The following PCDH19 variants were observed in gnomAD, a reference collection of about 807,000 sequenced individuals.
PCDH19 encodes protocadherin 19.
PCDH19 carries 6 observed loss-of-function variants against 46.2 expected under a neutral mutation model. The observed-to-expected ratio is 0.13, with a 90% CI of 0.07 to 0.26. The LOEUF is 0.26. Ranked by LOEUF, PCDH19 falls within the 10% of genes least tolerant of loss-of-function variation. The pLI, the probability that PCDH19 is intolerant of heterozygous loss-of-function variation, is 1.00. For missense variants in PCDH19, 740 were observed against 972.3 expected (o/e 0.76, Z 3.18); for synonymous variants, 481 against 415.7 (o/e 1.16, Z -1.91).
intron 3 of PCDH19, among the ~76,000 whole-genome samples, chrX:100,390,864 G>A (rs1242060915): frequency 2.7e-5 from 3 of 111,604 alleles, no homozygotes; most frequent in African/African-American, 9.8e-5. Context: ...ACATCAAAAT[G>A]AGCAGAGGCA....
chrX:100,317,473 G>A (rs770297271), intron 5 of PCDH19, among the ~76,000 whole-genome samples: 1 of 111,145 alleles, frequency 9.0e-6, no homozygotes, highest in African/African-American at 3.3e-5. Flanking sequence ...GCAGCCCACA[G>A]GTGTGAAGCA....
rs1482631332 is a variant in PCDH19, at chrX:100,296,290, T to G, written c.3434A>C (p.Asp1145Ala). The change falls in exon 6 of 6, where the codon GAT becomes GCT. Residue 1145 changes from aspartate (D) to alanine (A), a missense_variant. Asp to Ala is a moderately radical substitution (Grantham distance 126, BLOSUM62 -2). Coordinates refer to ENST00000373034, the MANE Select transcript of PCDH19 (RefSeq NM_001184880.2). ...KESPGVKRLK[D>A]IVL ...CTGGAGACTGGTTTAGAGAACGATA[T>G]CCTTCAGACGCTTCACACCAGGGGA... The G allele has an allele frequency of 8.3e-7, 1 of 1,205,191 alleles. No homozygotes were observed. The highest frequency in any genetic ancestry group is 2.3e-4 in the Middle Eastern group (1 of 4,343).
intron 3 of PCDH19, among the ~76,000 whole-genome samples, chrX:100,384,886 C>A (rs986085509): frequency 9.0e-6 from 1 of 111,434 alleles, no homozygotes; most frequent in East Asian, 2.8e-4. Context: ...AGGCCGGGCC[C>A]GGTGGCTCAC....
In PCDH19 at chrX:100,329,313, CAG is replaced by C. The variant is rs775349003; in HGVS notation, c.2848+12588_2848+12589del. 2.1e-3 allele frequency among the ~76,000 whole-genome samples: 233 copies of C among 112,056 alleles called. 1 individual carries two copies. The highest frequency in any genetic ancestry group is 3.3e-3 in the Non-Finnish European group (174 of 53,204). The stretch of plus-strand genomic sequence containing the variant: ...TAGGTCGTTAAAATCCACTTGTGCA[CAG>C]ACACTGTATTTCTGAGTTCTCATTT... On this transcript the variant is annotated intron_variant, in intron 5 of 5. Coordinates refer to ENST00000373034, the MANE Select transcript of PCDH19 (RefSeq NM_001184880.2).
chrX:100,316,803 T>G (rs1925321497), intron 5 of PCDH19, among the ~76,000 whole-genome samples: 1 of 112,429 alleles, frequency 8.9e-6, no homozygotes, highest in South Asian at 3.7e-4. Context: ...AGTCCAAATA[T>G]TAGAACAAAT....
At chrX:100,297,456 A>G (rs762771702) in intron 5 of PCDH19, among the ~76,000 whole-genome samples, 6 of 111,240 alleles carry the variant, frequency 5.4e-5, no homozygotes, top group African/African-American at 2.0e-4. Flanking sequence ...CAATCTCCTC[A>G]CTATGCCACT....
At chrX:100,365,084 TTTAAAAA>T (rs1247544886) in intron 3 of PCDH19, among the ~76,000 whole-genome samples, 2 of 111,440 alleles carry the variant, frequency 1.8e-5, no homozygotes, top group African/African-American at 6.5e-5. Context: ...ATGTCCCAAT[TTTAAAAA>T]TTATTTTCTC....
At chrX:100,300,351 C>A (rs1304803251) in intron 5 of PCDH19, among the ~76,000 whole-genome samples, 1 of 111,802 alleles carries the variant, frequency 8.9e-6, no homozygotes, top group East Asian at 2.8e-4. Flanking sequence ...AGTATAGTGG[C>A]TGGGAATGGA....
intron 3 of PCDH19, among the ~76,000 whole-genome samples, chrX:100,363,852 C>CGTGT (rs1331926595): frequency 2.3e-4 from 1 of 4,365 alleles, no homozygotes; most frequent in African/African-American, 5.3e-4. Context: ...GTAGAATGTG[C>CGTGT]GTGCGTGTGT....
At chrX:100,329,126 G>A (rs890646443) in intron 5 of PCDH19, among the ~76,000 whole-genome samples, 3 of 112,028 alleles carry the variant, frequency 2.7e-5, no homozygotes, top group Non-Finnish European at 3.8e-5. Flanking sequence ...GCTAACCAGG[G>A]CCCAACAATA....
At chrX:100,322,865 A>ATATATATATATATATATTTTTTTTTTT in intron 5 of PCDH19, among the ~76,000 whole-genome samples, 16 of 54,382 alleles carry the variant, frequency 2.9e-4, no homozygotes, top group Non-Finnish European at 5.0e-4. Flanking sequence ...ATATATATAT[A>ATATATATATATATATATTTTTTTTTTT]TTTTTGCAGC....
At chrX:100,380,485 A>G (rs1220477801) in intron 3 of PCDH19, among the ~76,000 whole-genome samples, 1 of 112,008 alleles carries the variant, frequency 8.9e-6, no homozygotes, top group Non-Finnish European at 1.9e-5. Context: ...ACCACTATTT[A>G]GCCATTATCT....
At chrX:100,361,205 T>A (rs886589364) in intron 3 of PCDH19, among the ~76,000 whole-genome samples, 2 of 112,424 alleles carry the variant, frequency 1.8e-5, no homozygotes, top group Non-Finnish European at 3.8e-5. Flanking sequence ...TGTATTTCTA[T>A]GAAATCTTTT....
chrX:100,311,890 A>G (rs948100543), intron 5 of PCDH19, among the ~76,000 whole-genome samples: 1 of 111,347 alleles, frequency 9.0e-6, no homozygotes, highest in African/African-American at 3.3e-5. Context: ...AGTTGTGATG[A>G]CACTGCTTCT....
intron 5 of PCDH19, among the ~76,000 whole-genome samples, chrX:100,325,166 T>C (rs200129402): frequency 0.074 from 4,102 of 55,363 alleles, 232 homozygotes; most frequent in East Asian, 0.3. Context: ...GATAGATAGA[T>C]AGACAGATAG....
chrX:100,347,722 T>A (rs569322215), intron 4 of PCDH19, among the ~76,000 whole-genome samples: 1 of 110,750 alleles, frequency 9.0e-6, no homozygotes, highest in South Asian at 3.9e-4. Context: ...CCAAGAAACA[T>A]CCTTGGATAA....
intron 5 of PCDH19, among the ~76,000 whole-genome samples, chrX:100,315,833 T>C (rs1038246729): frequency 8.9e-6 from 1 of 112,111 alleles, no homozygotes; most frequent in African/African-American, 3.2e-5. Context: ...ACAATGCACA[T>C]GCTACAAATA....
At chrX:100,382,425 C>G (rs1276758735) in intron 3 of PCDH19, among the ~76,000 whole-genome samples, 1 of 112,108 alleles carries the variant, frequency 8.9e-6, no homozygotes, top group Non-Finnish European at 1.9e-5. Flanking sequence ...TGAGACAGAG[C>G]ATAGTCCTGG....
chrX:100,408,540 C>G lies in PCDH19; in HGVS notation c.58G>C (p.Ala20Pro), dbSNP rs1413763025. Residue 20 changes from alanine (A) to proline (P), a missense_variant, in exon 1 of 6, where the codon GCC becomes CCC. Physicochemically the swap from Ala to Pro is conservative, Grantham distance 27. Coordinates refer to ENST00000373034, the MANE Select transcript of PCDH19 (RefSeq NM_001184880.2). ...GAGTACTTGAGATTAATGAGGGCGG[C>G]AGCCTGCGTCCACAGTATGGCCAGC... is the stretch of plus-strand genomic sequence containing the variant. ...LLLAILWTQA[A>P]ALINLKYSVE... 1 of 1,196,801 alleles carries G rather than the reference C, an allele frequency of 8.4e-7. No homozygotes were observed. Among genetic ancestry groups the G allele is most frequent in the African/African-American group, 1.7e-5 (1 of 57,670 alleles).
Sources: gnomAD v4.1 joint callset for allele counts (sites outside exome capture counted in the v4.1 genomes callset) on GRCh38, gnomAD v4.1.1 for gene constraint, MANE v1.5 for transcripts, NCBI Gene and HGNC (gene_info 2026-07-23, HGNC 2026-07-21) for gene names.